Variants in SRGAP1 observed in about 807,000 individuals in gnomAD.
SRGAP1 encodes SLIT-ROBO Rho GTPase activating protein 1, also known as SLIT-ROBO Rho GTPase-activating protein 1.
A neutral mutation model predicts 121.9 loss-of-function variants in SRGAP1; 43 were observed. The observed-to-expected ratio is 0.35, with a 90% CI of 0.28 to 0.46. The LOEUF (loss-of-function observed/expected upper bound fraction) is 0.46. Ranked by LOEUF, SRGAP1 falls within the 20% of genes least tolerant of loss-of-function variation. SRGAP1 has a pLI of 1.00. For synonymous variants in SRGAP1, 447 were observed against 485.4 expected, an observed-to-expected ratio of 0.92 and a Z score of 1.04; for missense variants, 1,102 against 1,350.9, an observed-to-expected ratio of 0.82 and a Z score of 2.89.
chr12:64,137,983 A>ATATATATATATAT (rs1565697592), intron 21 of SRGAP1, among the ~76,000 whole-genome samples: 2 of 120,662 alleles, frequency 1.7e-5, no homozygotes, highest in African/African-American at 5.8e-5. Flanking sequence ...TATATATATA[A>ATATATATATATAT]AAAATAATAA....
At chr12:64,050,467 C>T (rs535677697) in intron 6 of SRGAP1, among the ~76,000 whole-genome samples, 11 of 150,120 alleles carry the variant, frequency 7.3e-5, no homozygotes, top group African/African-American at 2.5e-4. Flanking sequence ...TATATATACA[C>T]ATTTTTAAAC....
intron 3 of SRGAP1, among the ~76,000 whole-genome samples, chr12:64,016,560 A>AGAAAC (rs2034407901): frequency 6.6e-6 from 1 of 152,168 alleles, no homozygotes; most frequent in South Asian, 2.1e-4. Context: ...GAGGGAGTTA[A>AGAAAC]TTTCCCCTTT....
At chr12:63,890,150 A>G (rs1289506065) in intron 1 of SRGAP1, among the ~76,000 whole-genome samples, 1 of 152,160 alleles carries the variant, frequency 6.6e-6, no homozygotes, top group African/African-American at 2.4e-5. Context: ...CAGGGGAAAA[A>G]TAACTCACCG....
At chr12:63,973,140 T>C (rs563150744) in intron 1 of SRGAP1, among the ~76,000 whole-genome samples, 1 of 152,230 alleles carries the variant, frequency 6.6e-6, no homozygotes, top group African/African-American at 2.4e-5. Context: ...AGAGTGAGGC[T>C]CCGTCTCAAA....
At chr12:64,035,296 T>A (rs1447275392) in intron 4 of SRGAP1, among the ~76,000 whole-genome samples, 2 of 151,306 alleles carry the variant, frequency 1.3e-5, no homozygotes, top group Non-Finnish European at 2.9e-5. Context: ...TTTCTCTACC[T>A]AATTCTCACT....
intron 21 of SRGAP1, among the ~76,000 whole-genome samples, chr12:64,139,311 C>T (rs1023967593): frequency 3.9e-5 from 6 of 152,134 alleles, no homozygotes; most frequent in Non-Finnish European, 5.9e-5. Flanking sequence ...AACTGAATTT[C>T]GAAGAACTTC....
At chr12:64,103,176 T>C (rs1253556329) in intron 15 of SRGAP1, among the ~76,000 whole-genome samples, 2 of 151,980 alleles carry the variant, frequency 1.3e-5, no homozygotes, top group Non-Finnish European at 2.9e-5. Flanking sequence ...GAGACAGGGT[T>C]TCACAACATT....
At chr12:64,023,410 G>A (rs1012839117) in intron 4 of SRGAP1, among the ~76,000 whole-genome samples, 3 of 152,070 alleles carry the variant, frequency 2.0e-5, no homozygotes, top group Non-Finnish European at 4.4e-5. Flanking sequence ...GGTTTAAAGT[G>A]TTAAGCCCGT....
intron 1 of SRGAP1, among the ~76,000 whole-genome samples, chr12:63,899,239 A>G (rs774619179): frequency 4.0e-5 from 6 of 151,824 alleles, no homozygotes; most frequent in Admixed American, 1.3e-4. Flanking sequence ...AAAATTAGCT[A>G]GGTGTGGTGG....
At chr12:64,021,740 A>G (rs1188970265) in intron 4 of SRGAP1, among the ~76,000 whole-genome samples, 2 of 152,228 alleles carry the variant, frequency 1.3e-5, no homozygotes, top group African/African-American at 2.4e-5. Context: ...AATCAATGGC[A>G]TTAATGTTGC....
chr12:64,068,227 C>T (rs1450326946), intron 8 of SRGAP1, among the ~76,000 whole-genome samples: 4 of 140,838 alleles, frequency 2.8e-5, no homozygotes, highest in African/African-American at 1.1e-4. Flanking sequence ...GAACCGAGAT[C>T]GTGCCGCTGC....
chr12:63,851,904 T>G (rs1899087335), intron 1 of SRGAP1, among the ~76,000 whole-genome samples: 1 of 152,100 alleles, frequency 6.6e-6, no homozygotes, highest in Non-Finnish European at 1.5e-5. Flanking sequence ...GAGGAAAACA[T>G]TTATCACAGG....
At chr12:64,044,783 C>A (rs181220476) in intron 6 of SRGAP1, among the ~76,000 whole-genome samples, 2 of 149,190 alleles carry the variant, frequency 1.3e-5, no homozygotes, top group East Asian at 4.0e-4. Flanking sequence ...TGGGTTCAAG[C>A]GATTCTTTTG....
intron 1 of SRGAP1, among the ~76,000 whole-genome samples, chr12:63,946,541 C>CTT (rs35628309): frequency 1.4e-5 from 2 of 138,564 alleles, no homozygotes; most frequent in Admixed American, 7.2e-5. Flanking sequence ...CTTTTGTATT[C>CTT]TTTTTTTTTT....
intron 8 of SRGAP1, among the ~76,000 whole-genome samples, chr12:64,066,761 G>T (rs1406418884): frequency 6.6e-6 from 1 of 152,076 alleles, no homozygotes; most frequent in Admixed American, 6.6e-5. Context: ...CTTTCCAAAG[G>T]AAAGCTATTG....
At chr12:63,973,531 C>A (rs1340401529) in intron 1 of SRGAP1, among the ~76,000 whole-genome samples, 1 of 152,142 alleles carries the variant, frequency 6.6e-6, no homozygotes, top group Non-Finnish European at 1.5e-5. Context: ...TAAACTGTAT[C>A]AAGTACTTAC....
At chr12:64,026,295 C>T (rs888251588) in intron 4 of SRGAP1, among the ~76,000 whole-genome samples, 2 of 152,246 alleles carry the variant, frequency 1.3e-5, no homozygotes, top group African/African-American at 4.8e-5. Context: ...TGACAGACAT[C>T]TTAAGCAGTT....
intron 18 of SRGAP1, among the ~76,000 whole-genome samples, chr12:64,119,791 G>A (rs2036576975): frequency 1.2e-5 from 1 of 81,584 alleles, no homozygotes; most frequent in South Asian, 3.8e-4. Context: ...TTTTTTTTTG[G>A]CAGAGTTTTG....
At chr12:63,845,504 C>T (rs1350356127) in intron 1 of SRGAP1, among the ~76,000 whole-genome samples, 1 of 152,162 alleles carries the variant, frequency 6.6e-6, no homozygotes, top group South Asian at 2.1e-4. Flanking sequence ...ATCTTTCACA[C>T]TCACATGGGA....
Sources: gnomAD v4.1 joint callset for allele counts (sites outside exome capture counted in the v4.1 genomes callset) on GRCh38, gnomAD v4.1.1 for gene constraint, MANE v1.5 for transcripts, NCBI Gene and HGNC (gene_info 2026-07-23, HGNC 2026-07-21) for gene names.